The following FHL2 variants were observed in gnomAD, a reference collection of about 807,000 sequenced individuals.
FHL2 encodes the protein four and a half LIM domains 2, also known as four and a half LIM domains protein 2.
FHL2 carries 20 observed loss-of-function variants against 32.7 expected under a neutral mutation model. That is an observed-to-expected ratio of 0.61 (90% CI 0.43 to 0.89). The LOEUF (loss-of-function observed/expected upper bound fraction) is 0.89, where lower values mean the gene tolerates loss of function less well. Ranked by LOEUF, FHL2 falls within the 40% of genes least tolerant of loss-of-function variation. The pLI is 0.00. For missense variants in FHL2, 311 were observed against 358.6 expected, an observed-to-expected ratio of 0.87 and a Z score of 1.07; for synonymous variants, 123 against 128.1, an observed-to-expected ratio of 0.96 and a Z score of 0.27.
At chr2:105,427,152 C>A (rs573796806) in intron 1 of FHL2, among the ~76,000 whole-genome samples, 2 of 152,224 alleles carry the variant, frequency 1.3e-5, no homozygotes, top group South Asian at 4.2e-4. Context: ...ATTTTGGTGG[C>A]TGCCCACACC....
At chr2:105,363,549 G>A (rs918629814) in intron 5 of FHL2, 78 bp from the exon 6 acceptor site, 13 of 1,329,360 alleles carry the variant, frequency 9.8e-6, no homozygotes, top group African/African-American at 2.9e-5. Context: ...GCCACTGGAC[G>A]ATGCAAGATC....
intron 5 of FHL2, among the ~76,000 whole-genome samples, chr2:105,365,576 T>C (rs1443959408): frequency 6.8e-6 from 1 of 147,426 alleles, no homozygotes; most frequent in Non-Finnish European, 1.5e-5. Context: ...AGAGGGTTCC[T>C]AAAATAAAAG....
chr2:105,403,296 T>TCG (rs1306805042), upstream of FHL2, among the ~76,000 whole-genome samples: 1 of 152,250 alleles, frequency 6.6e-6, no homozygotes, highest in Admixed American at 6.5e-5. Context: ...AAAACCTCTC[T>TCG]GCTATGGATA....
chr2:105,397,892 T>TTTG (rs1553421768), intron 1 of FHL2, among the ~76,000 whole-genome samples: 11 of 146,330 alleles, frequency 7.5e-5, no homozygotes, highest in Non-Finnish European at 1.7e-4. Flanking sequence ...TTTTTTGTTT[T>TTTG]TTTTTGTCTA....
At chr2:105,414,301 G>A (rs1232859335) in intron 1 of FHL2, among the ~76,000 whole-genome samples, 1 of 152,122 alleles carries the variant, frequency 6.6e-6, no homozygotes, top group East Asian at 1.9e-4. Context: ...TTTTCATGGA[G>A]GCTTCATTGC....
chr2:105,374,023 T>G lies in FHL2; in HGVS notation c.157-290A>C, dbSNP rs576551162. 4 of 430,268 alleles carry G rather than the reference T, an allele frequency of 9.3e-6. No individual in the cohort carries two copies. In the East Asian group the frequency reaches 1.4e-4, roughly 15 times the overall value. 26.7% of individuals were successfully genotyped at this position (430,268 alleles called of 1,614,324 possible). ...AAACAAAGGGATTTCCCTTATGTAT[T>G]GCCTGCAAGAAAGAGAAACAGAAAA... On this transcript the variant is annotated intron_variant, in intron 3 of 6. Transcript: ENST00000530340.
Position 105,367,636 on chromosome 2 carries a change from G to A in FHL2, c.435C>T (p.Asp145=), listed in dbSNP as rs746660934. The A allele has an allele frequency of 6.2e-7, 1 of 1,614,242 alleles. No homozygotes were observed. The highest frequency in any genetic ancestry group is 1.1e-5 in the South Asian group (1 of 91,090). The part of the protein sequence containing the change: ...PIGTKSFIPK[D]NQNFCVPCYE... Reference sequence around the variant, plus strand: ...AGCAGGGCACACAGAAATTCTGATTGTCTTTGGGGATGAAACTCTTGGTTC... The same window carrying A: ...AGCAGGGCACACAGAAATTCTGATTATCTTTGGGGATGAAACTCTTGGTTC... Residue 145 remains aspartate, a synonymous_variant, in exon 5 of 7, where the codon GAC becomes GAT. Transcript: ENST00000530340.
At chr2:105,410,170 G>A (rs1347056087) in intron 1 of FHL2, among the ~76,000 whole-genome samples, 1 of 152,240 alleles carries the variant, frequency 6.6e-6, no homozygotes, top group Non-Finnish European at 1.5e-5. Flanking sequence ...TTCAGAGCAG[G>A]AGGTCAGCAG....
intron 2 of FHL2, among the ~76,000 whole-genome samples, chr2:105,387,870 GA>G (rs1409270185): frequency 2.6e-5 from 4 of 152,180 alleles, no homozygotes; most frequent in African/African-American, 9.7e-5. Flanking sequence ...GCCCAGCGAT[GA>G]CAGATTGGAT....
At chr2:105,375,158 T>C (rs10190537) in intron 3 of FHL2, 17,845 of 145,188 alleles carry the variant, frequency 0.12, 1,233 homozygotes, top group East Asian at 0.32. Context: ...TGTGTGTGTG[T>C]GCGCGTGCGT....
chr2:105,414,949 A>G (rs189415194), intron 1 of FHL2, among the ~76,000 whole-genome samples: 9 of 152,308 alleles, frequency 5.9e-5, no homozygotes, highest in South Asian at 2.1e-4. Context: ...TTCCTCAGTA[A>G]CCTATGACTT....
chr2:105,397,270 G>A (rs1683206244), intron 1 of FHL2, among the ~76,000 whole-genome samples: 2 of 152,140 alleles, frequency 1.3e-5, no homozygotes, highest in South Asian at 4.1e-4. Flanking sequence ...TACAGCCCGG[G>A]AAACCCTGAG....
intron 2 of FHL2, among the ~76,000 whole-genome samples, chr2:105,392,032 A>T (rs1182743987): frequency 6.6e-6 from 1 of 152,236 alleles, no homozygotes; most frequent in Non-Finnish European, 1.5e-5. Flanking sequence ...AGGGTATTTG[A>T]AAAAGCTGGA....
chr2:105,431,644 G>C (rs1417340888), intron 1 of FHL2, among the ~76,000 whole-genome samples: 4 of 152,230 alleles, frequency 2.6e-5, no homozygotes, highest in African/African-American at 9.6e-5. Context: ...GTAGGGCTCT[G>C]TTGGCTATGG....
At chr2:105,363,109 T>G (rs920548022) in intron 6 of FHL2, 176 bp downstream of exon 6, 16 of 603,690 alleles carry the variant, frequency 2.7e-5, no homozygotes, top group Middle Eastern at 6.4e-4. Context: ...CATTACTTGC[T>G]GAAGCATAGC....
chr2:105,394,581 G>GA (rs71379725), intron 2 of FHL2, among the ~76,000 whole-genome samples: 8 of 77,246 alleles, frequency 1.0e-4, no homozygotes, highest in African/African-American at 1.5e-4. Context: ...GAGACCCTGG[G>GA]AAAAAAAAAA....
At chr2:105,395,132 T>C (rs1170284769) in intron 2 of FHL2, among the ~76,000 whole-genome samples, 2 of 152,134 alleles carry the variant, frequency 1.3e-5, no homozygotes, top group African/African-American at 4.8e-5. Context: ...TATGAAGGAG[T>C]TCCAGTCTAG....
intron 1 of FHL2, among the ~76,000 whole-genome samples, chr2:105,404,265 C>G (rs183486377): frequency 2.0e-5 from 3 of 152,242 alleles, no homozygotes; most frequent in African/African-American, 7.2e-5. Flanking sequence ...GGCCAGGAAA[C>G]TGGTGGATGA....
At chr2:105,424,679 AT>A (rs1684204974) in intron 1 of FHL2, among the ~76,000 whole-genome samples, 2 of 152,228 alleles carry the variant, frequency 1.3e-5, no homozygotes, top group African/African-American at 4.8e-5. Flanking sequence ...CATATACACC[AT>A]GGAATACTAT....
Sources: allele counts gnomAD v4.1 joint callset (sites outside exome capture counted in the v4.1 genomes callset), GRCh38; gene constraint gnomAD v4.1.1; transcripts MANE v1.5; gene names NCBI Gene and HGNC (gene_info 2026-07-23, HGNC 2026-07-21).